The following KIAA0825 variants were observed in gnomAD, a reference collection of about 807,000 sequenced individuals.
KIAA0825 encodes the protein uncharacterized protein KIAA0825.
Under a neutral mutation model 147.6 loss-of-function variants are expected in KIAA0825, and 119 were observed. That is an observed-to-expected ratio of 0.81 (90% CI 0.69 to 0.94). KIAA0825 has a LOEUF of 0.94. KIAA0825 is among the 40% of genes least tolerant of loss of function. KIAA0825 has a pLI of 0.00. For synonymous variants in KIAA0825, 470 were observed against 518.1 expected (o/e 0.91, Z 1.26); for missense variants, 1,381 against 1,472.7 (o/e 0.94, Z 1.02).
In KIAA0825 at chr5:94,415,546, G is replaced by GA. The variant is rs541105917; in HGVS notation, c.2662+1654dup. On this transcript the variant is annotated intron_variant, in intron 15 of 20. Coordinates refer to ENST00000682413, the MANE Select transcript of KIAA0825 (RefSeq NM_001145678.3). ...AAAGACTTAAATGGGAGAGAAAAGA[G>GA]AAAACTTCAGACCCTCATAACCACT... is the stretch of plus-strand genomic sequence containing the variant. The GA allele has an allele frequency of 9.3e-4, 141 of 152,144 alleles. 1 individual carries two copies. Among genetic ancestry groups the GA allele is most frequent in the African/African-American group, 3.1e-3 (128 of 41,524 alleles). 9.4% of individuals were successfully genotyped at this position (152,144 alleles called of 1,614,324 possible).
intron 2 of KIAA0825, among the ~76,000 whole-genome samples, chr5:94,562,848 A>G (rs1777791747): frequency 6.6e-6 from 1 of 152,240 alleles, no homozygotes; most frequent in South Asian, 2.1e-4. Context: ...TGTAAGAGAT[A>G]GTATGTAGGT....
chr5:94,595,989 G>A (rs918416925), intron 1 of KIAA0825, among the ~76,000 whole-genome samples: 2 of 152,086 alleles, frequency 1.3e-5, no homozygotes, highest in Admixed American at 1.3e-4. Flanking sequence ...CCTCAGCCTG[G>A]ACTTTATTGC....
chr5:94,515,611 G>C (rs991283825), intron 5 of KIAA0825, among the ~76,000 whole-genome samples: 5 of 148,486 alleles, frequency 3.4e-5, no homozygotes, highest in African/African-American at 1.3e-4. Flanking sequence ...GGCCAGAATG[G>C]TGAAATCCCG....
intron 20 of KIAA0825, among the ~76,000 whole-genome samples, chr5:94,183,078 A>G (rs1250458066): frequency 6.6e-6 from 1 of 152,200 alleles, no homozygotes; most frequent in Non-Finnish European, 1.5e-5. Flanking sequence ...CAAACTACCA[A>G]AAAAATTCTG....
intron 20 of KIAA0825, among the ~76,000 whole-genome samples, chr5:94,214,785 A>C (rs73773592): frequency 0.017 from 2,601 of 152,224 alleles, 81 homozygotes; most frequent in African/African-American, 0.058. Flanking sequence ...GCTTTAAGAC[A>C]CCCTTCAAAT....
At chr5:94,345,953 C>T (rs556722942) in intron 20 of KIAA0825, among the ~76,000 whole-genome samples, 101 of 152,256 alleles carry the variant, frequency 6.6e-4, no homozygotes, top group African/African-American at 2.4e-3. Context: ...GTAATTAGAA[C>T]AGAACAGAAC....
chr5:94,507,099 G>C (rs1423362135), intron 5 of KIAA0825, among the ~76,000 whole-genome samples: 1 of 152,166 alleles, frequency 6.6e-6, no homozygotes, highest in Non-Finnish European at 1.5e-5. Context: ...ATAGGAGTAA[G>C]AAAGATATTA....
At chr5:94,358,370 T>A (rs1418523986) in intron 20 of KIAA0825, among the ~76,000 whole-genome samples, 1 of 152,194 alleles carries the variant, frequency 6.6e-6, no homozygotes, top group Non-Finnish European at 1.5e-5. Context: ...TAAAACAGTC[T>A]AGTATAGGGC....
At chr5:94,549,747 A>T (rs1011730999) in intron 2 of KIAA0825, among the ~76,000 whole-genome samples, 1 of 152,066 alleles carries the variant, frequency 6.6e-6, no homozygotes, top group Admixed American at 6.6e-5. Flanking sequence ...AAGAAACAAA[A>T]CTATGGAATA....
At chr5:94,294,019 T>G (rs1778027314) in intron 20 of KIAA0825, among the ~76,000 whole-genome samples, 1 of 152,246 alleles carries the variant, frequency 6.6e-6, no homozygotes, top group Non-Finnish European at 1.5e-5. Context: ...AGTTTATATG[T>G]GCCTTTGCAC....
chr5:94,492,974 T>C (rs1268998848), intron 5 of KIAA0825, among the ~76,000 whole-genome samples: 1 of 152,224 alleles, frequency 6.6e-6, no homozygotes, highest in Non-Finnish European at 1.5e-5. Context: ...TTTGTTTGTG[T>C]ATGTGCATGT....
In KIAA0825 at chr5:94,542,678, G is replaced by A. The variant is rs548511089; in HGVS notation, c.-1-5551C>T. Among the ~76,000 whole-genome samples, 4 of 152,130 alleles carry A rather than the reference G, an allele frequency of 2.6e-5. No homozygotes were observed. In the East Asian group the frequency reaches 5.8e-4, roughly 22 times the overall value. On this transcript the variant is annotated intron_variant, in intron 2 of 20. Transcript: ENST00000682413. ...AAAAATTAGCCGAGCATGATGGTGGGTGCCTGTAATCCCAGCTACTCAGGA... is the reference window on the plus strand; with the variant it reads ...AAAAATTAGCCGAGCATGATGGTGGATGCCTGTAATCCCAGCTACTCAGGA...
In KIAA0825 at chr5:94,426,027, TATTATC is replaced by T. The variant is rs993410508; in HGVS notation, c.2498-8668_2498-8663del. ...TATGCCTGGATAATTTTTGTATTAT[TATTATC>T]ATTATTATTATTATTATTATAGAGA... On this transcript the variant is annotated intron_variant, in intron 14 of 20. Transcript: ENST00000682413. Among the ~76,000 whole-genome samples, 70 of 147,786 alleles carry T rather than the reference TATTATC, an allele frequency of 4.7e-4. 1 individual carries two copies. The highest frequency in any genetic ancestry group is 3.6e-3 in the Middle Eastern group (1 of 274).
intron 4 of KIAA0825, among the ~76,000 whole-genome samples, chr5:94,523,496 GAAT>G (rs2151232843): frequency 1.3e-5 from 2 of 151,622 alleles, no homozygotes; most frequent in East Asian, 3.9e-4. Context: ...GGAATGCAGG[GAAT>G]AATAGTCAAG....
intron 20 of KIAA0825, among the ~76,000 whole-genome samples, chr5:94,228,510 G>T (rs1774405254): frequency 6.6e-6 from 1 of 152,062 alleles, no homozygotes; most frequent in African/African-American, 2.4e-5. Flanking sequence ...TTAGTGTATG[G>T]GTCTTAGCTC....
At position 94,396,285 on chromosome 5, in the gene KIAA0825, C is replaced by A. The variant is rs1401879192; in HGVS notation, c.3112G>T (p.Ala1038Ser). Reference sequence around the variant, plus strand: ...TCTTTACTCCATCTGTCAAGAGAGGCACCTGTTAAAAGTTCCACAGTGTTT... The same window carrying A: ...TCTTTACTCCATCTGTCAAGAGAGGAACCTGTTAAAAGTTCCACAGTGTTT... Reference protein sequence around the residue: ...DGNTVELLTGASLDRWSKEKL... With the variant: ...DGNTVELLTGSSLDRWSKEKL... Residue 1038 changes from alanine (A) to serine (S), a missense_variant, in exon 17 of 21, where the codon GCC becomes TCC. By Grantham distance (99) the Ala-to-Ser change is moderately conservative. Coordinates refer to ENST00000682413, the MANE Select transcript of KIAA0825 (RefSeq NM_001145678.3). The A allele has an allele frequency of 6.5e-7, 1 of 1,550,322 alleles. No individual in the cohort carries two copies. The highest frequency in any genetic ancestry group is 1.4e-5 in the African/African-American group (1 of 72,964).
At chr5:94,254,940 T>C (rs1776166028) in intron 20 of KIAA0825, among the ~76,000 whole-genome samples, 3 of 152,096 alleles carry the variant, frequency 2.0e-5, no homozygotes, top group Admixed American at 2.0e-4. Flanking sequence ...ATTACAGATG[T>C]ATTTCTCTTT....
intron 6 of KIAA0825, among the ~76,000 whole-genome samples, chr5:94,479,735 C>G (rs1417715701): frequency 6.6e-6 from 1 of 152,070 alleles, no homozygotes; most frequent in Non-Finnish European, 1.5e-5. Context: ...GAGAGTTGTT[C>G]CACATCCTTG....
chr5:94,458,870 A>G (rs936855421), intron 12 of KIAA0825, among the ~76,000 whole-genome samples: 1 of 152,114 alleles, frequency 6.6e-6, no homozygotes, highest in Non-Finnish European at 1.5e-5. Context: ...AAAGTATACA[A>G]TTAGATGGTT....
Sources: allele counts gnomAD v4.1 joint callset (sites outside exome capture counted in the v4.1 genomes callset), GRCh38; gene constraint gnomAD v4.1.1; transcripts MANE v1.5; gene names NCBI Gene and HGNC (gene_info 2026-07-23, HGNC 2026-07-21).